PPFIA2: variants seen among roughly 807,000 people sequenced by gnomAD.
PPFIA2 encodes PPFI scaffold protein A2.
Under a neutral mutation model 175.5 loss-of-function variants are expected in PPFIA2, and 46 were observed. The ratio of observed to expected loss-of-function variants is 0.26; its 90% CI spans 0.21 to 0.34. The LOEUF is 0.34. Among genes scored for constraint, PPFIA2 ranks in the 10% least tolerant of loss-of-function variants. PPFIA2 has a pLI of 1.00. For missense variants in PPFIA2, 1,179 were observed against 1,506.1 expected (o/e 0.78, Z 3.60); for synonymous variants, 568 against 511.4 (o/e 1.11, Z -1.49).
intron 3 of PPFIA2, among the ~76,000 whole-genome samples, chr12:81,693,248 G>A (rs928269517): frequency 1.3e-5 from 2 of 151,976 alleles, no homozygotes; most frequent in African/African-American, 2.4e-5. Flanking sequence ...ATCTCATGTC[G>A]AATTTTAATC....
intron 7 of PPFIA2, among the ~76,000 whole-genome samples, chr12:81,414,305 T>C (rs1271686546): frequency 1.3e-5 from 2 of 151,738 alleles, no homozygotes; most frequent in Non-Finnish European, 3.0e-5. Context: ...CTGACCTGCG[T>C]TGGCAAACAA....
chr12:81,662,541 A>C (rs1413643783), intron 4 of PPFIA2, among the ~76,000 whole-genome samples: 1 of 152,230 alleles, frequency 6.6e-6, no homozygotes, highest in African/African-American at 2.4e-5. Context: ...ACAGGCTCTG[A>C]AATTGAGGCT....
At chr12:81,547,954 T>C (rs552955752) in intron 4 of PPFIA2, among the ~76,000 whole-genome samples, 16 of 152,354 alleles carry the variant, frequency 1.1e-4, no homozygotes, top group Non-Finnish European at 1.5e-4. Flanking sequence ...CCATAGCTGT[T>C]GTTAGGATTT....
At position 81,297,110 on chromosome 12, in the gene PPFIA2, A is replaced by G. The variant is rs958588021; in HGVS notation, c.2725-2075T>C. Among the ~76,000 whole-genome samples, 3 of 152,154 alleles carry G rather than the reference A, an allele frequency of 2.0e-5. No individual in the cohort carries two copies. In the South Asian group the frequency reaches 6.2e-4, roughly 32 times the overall value. ...GACAAGGAACTAATGTTTCTGGCCA[A>G]CAGCCAGCAGGAAACTGAATCATGA... On this transcript the variant is annotated intron_variant, in intron 23 of 32. Transcript: ENST00000549396.
chr12:81,316,829 T>C (rs970377836), intron 22 of PPFIA2, among the ~76,000 whole-genome samples: 1 of 151,616 alleles, frequency 6.6e-6, no homozygotes, highest in African/African-American at 2.4e-5. Context: ...AAAAGTTATA[T>C]AGGATATTCT....
chr12:81,674,641 TGACA>T (rs2072107340), intron 4 of PPFIA2, among the ~76,000 whole-genome samples: 2 of 152,000 alleles, frequency 1.3e-5, no homozygotes, highest in South Asian at 2.1e-4. Context: ...CCCATCTGGG[TGACA>T]GACAGAACAA....
chr12:81,659,260 C>T (rs991595107), intron 4 of PPFIA2, among the ~76,000 whole-genome samples: 5 of 152,034 alleles, frequency 3.3e-5, no homozygotes, highest in Admixed American at 6.6e-5. Context: ...CGAAGCAGGG[C>T]GAGGCATCAC....
At position 81,642,696 on chromosome 12, in the gene PPFIA2, A is replaced by G. The variant is rs1257849482; in HGVS notation, c.303+34095T>C. 3.0e-4 allele frequency among the ~76,000 whole-genome samples: 16 copies of G among 54,040 alleles called. 5 individuals are homozygous for G. The highest frequency in any genetic ancestry group is 6.8e-4 in the African/African-American group (14 of 20,476). 35.5% of individuals were successfully genotyped at this position (54,040 alleles called of 152,430 possible). A position where few individuals can be genotyped will look rare whatever the true frequency, so the allele number is the denominator to read the frequency against. On this transcript the variant is annotated intron_variant, in intron 4 of 32. Transcript: ENST00000549396. ...ACATGTATGTATCTATTATATACATACATGTATATGTATGTATGTATTATA... is the reference window on the plus strand; with the variant it reads ...ACATGTATGTATCTATTATATACATGCATGTATATGTATGTATGTATTATA...
intron 3 of PPFIA2, among the ~76,000 whole-genome samples, chr12:81,724,261 T>C (rs551894479): frequency 7.3e-5 from 11 of 151,204 alleles, no homozygotes; most frequent in Non-Finnish European, 1.5e-4. Flanking sequence ...GTAAAAGCTC[T>C]ATAATTATAA....
In PPFIA2 at chr12:81,452,105, GAC is replaced by G. The variant is rs139654018; in HGVS notation, c.405+5658_405+5659del. Among the ~76,000 whole-genome samples the G allele has an allele frequency of 1.2e-4, 18 of 150,870 alleles. No homozygotes were observed. The East Asian group carries it at 1.8e-3, about 15-fold the overall frequency. Reference sequence around the variant, plus strand: ...CATATGTATCATATATTCACACACAGACACACACACACACACCCACACAAACC... The same window carrying G: ...CATATGTATCATATATTCACACACAGACACACACACACACCCACACAAACC... On this transcript the variant is annotated intron_variant, in intron 5 of 32. Coordinates refer to ENST00000549396, the MANE Select transcript of PPFIA2 (RefSeq NM_003625.5).
chr12:81,534,806 A>G (rs1449610360), intron 4 of PPFIA2, among the ~76,000 whole-genome samples: 1 of 151,726 alleles, frequency 6.6e-6, no homozygotes, highest in Non-Finnish European at 1.5e-5. Context: ...GGGAAGCAAG[A>G]AGATGAGAAA....
chr12:81,337,040 T>C (rs896113565), intron 21 of PPFIA2, among the ~76,000 whole-genome samples: 1 of 152,158 alleles, frequency 6.6e-6, no homozygotes, highest in African/African-American at 2.4e-5. Context: ...CTGGTAGCCC[T>C]TAACTAAAGT....
At chr12:81,394,404 A>G (rs2040714282) in intron 8 of PPFIA2, among the ~76,000 whole-genome samples, 1 of 152,048 alleles carries the variant, frequency 6.6e-6, no homozygotes, top group African/African-American at 2.4e-5. Context: ...AATCAAGTAC[A>G]ACAGAGTTTA....
chr12:81,544,387 G>A (rs895730956), intron 4 of PPFIA2, among the ~76,000 whole-genome samples: 3 of 152,110 alleles, frequency 2.0e-5, no homozygotes, highest in African/African-American at 4.8e-5. Flanking sequence ...TGGAGTGATA[G>A]TGTACCTCAT....
chr12:81,339,168 A>G lies in PPFIA2; in HGVS notation c.2548+12T>C. On this transcript the variant is annotated intron_variant, in intron 21 of 32. Coordinates refer to ENST00000549396, the MANE Select transcript of PPFIA2 (RefSeq NM_003625.5). ...GAGTGGCAGTGGAAAGTCTTAACAC[A>G]TGCATACTTACGGAGCTGCCCAAGT... The G allele has an allele frequency of 1.9e-6, 3 of 1,576,124 alleles. No homozygotes were observed. The highest frequency in any genetic ancestry group is 1.2e-5 in the South Asian group (1 of 84,818).
rs116217434 is a variant in PPFIA2 at position 81,724,347 on chromosome 12, T to C, written c.249+29626A>G. On this transcript the variant is annotated intron_variant, in intron 3 of 32. Coordinates refer to ENST00000549396, the MANE Select transcript of PPFIA2 (RefSeq NM_003625.5). ...TATTTATTTATCATTTTTATAAATT[T>C]AGGGGGTACAAATGCAGTTTTCTTA... Among the ~76,000 whole-genome samples the C allele has an allele frequency of 2.6e-3, 390 of 151,042 alleles. 1 individual carries two copies. Among genetic ancestry groups the C allele is most frequent in the African/African-American group, 8.6e-3 (357 of 41,394 alleles).
intron 3 of PPFIA2, among the ~76,000 whole-genome samples, chr12:81,692,514 C>T (rs147395344): frequency 6.6e-6 from 1 of 152,226 alleles, no homozygotes; most frequent in East Asian, 1.9e-4. Context: ...TTTCTATGTT[C>T]ACCATACAAG....
intron 23 of PPFIA2, among the ~76,000 whole-genome samples, chr12:81,297,474 A>C (rs922042177): frequency 5.3e-5 from 8 of 152,210 alleles, no homozygotes; most frequent in African/African-American, 1.9e-4. Flanking sequence ...ATAAGAGAAA[A>C]GAAGGGGAAG....
intron 4 of PPFIA2, among the ~76,000 whole-genome samples, chr12:81,533,216 A>G (rs1021080473): frequency 4.0e-5 from 6 of 151,760 alleles, no homozygotes; most frequent in Admixed American, 3.3e-4. Context: ...ATTGAAGTAT[A>G]TAATGGTTAC....
Sources: gnomAD v4.1 joint callset for allele counts (sites outside exome capture counted in the v4.1 genomes callset) on GRCh38, gnomAD v4.1.1 for gene constraint, MANE v1.5 for transcripts, NCBI Gene and HGNC (gene_info 2026-07-23, HGNC 2026-07-21) for gene names.